MAP3K1: variants seen among roughly 807,000 people sequenced by gnomAD.
MAP3K1 encodes the protein MAP/ERK kinase kinase 1.
In MAP3K1, 36 loss-of-function variants were observed where a neutral mutation model predicts 144.2. The ratio of observed to expected loss-of-function variants is 0.25; its 90% CI spans 0.19 to 0.33. The LOEUF (loss-of-function observed/expected upper bound fraction) is 0.33. MAP3K1 is among the 10% of genes least tolerant of loss of function. The pLI, the probability that MAP3K1 is intolerant of heterozygous loss-of-function variation, is 1.00. For missense variants in MAP3K1, 1,650 were observed against 1,881.9 expected (o/e 0.88, Z 2.28); for synonymous variants, 718 against 688.7 (o/e 1.04, Z -0.67).
At chr5:56,818,616 T>C (rs1457334475) in intron 1 of MAP3K1, among the ~76,000 whole-genome samples, 2 of 152,144 alleles carry the variant, frequency 1.3e-5, no homozygotes. Context: ...CGCCCAAGGG[T>C]TTGGAATTTT....
At chr5:56,824,261 T>C (rs1358023160) in intron 1 of MAP3K1, among the ~76,000 whole-genome samples, 1 of 152,178 alleles carries the variant, frequency 6.6e-6, no homozygotes, top group Non-Finnish European at 1.5e-5. Flanking sequence ...TAAGAAAAAA[T>C]ACTCTAAGCA....
At chr5:56,848,590 T>C (rs1747070060) in intron 1 of MAP3K1, among the ~76,000 whole-genome samples, 1 of 152,350 alleles carries the variant, frequency 6.6e-6, no homozygotes, top group East Asian at 1.9e-4. Flanking sequence ...TACAGTATGA[T>C]TATCTATTAA....
chr5:56,849,316 T>C lies in MAP3K1; in HGVS notation c.483-7284T>C, dbSNP rs1231719518. On this transcript the variant is annotated intron_variant, in intron 1 of 19. Transcript: ENST00000399503. ...GTGAGCCAAGATTGCGCCACTGCACTCCAGCCTGGGCGTCAGAGCCAAACC... is the reference window on the plus strand; with the variant it reads ...GTGAGCCAAGATTGCGCCACTGCACCCCAGCCTGGGCGTCAGAGCCAAACC... 2.7e-5 allele frequency among the ~76,000 whole-genome samples: 4 copies of C among 149,338 alleles called. No individual in the cohort carries two copies. In the East Asian group the frequency reaches 7.9e-4, roughly 29 times the overall value.
chr5:56,844,185 T>TG (rs1746908933), intron 1 of MAP3K1, among the ~76,000 whole-genome samples: 1 of 121,278 alleles, frequency 8.2e-6, no homozygotes, highest in Non-Finnish European at 1.8e-5. Flanking sequence ...TTTTTTTGGT[T>TG]TTTTTTTTTT....
At chr5:56,823,185 G>A (rs1054966480) in intron 1 of MAP3K1, among the ~76,000 whole-genome samples, 7 of 152,114 alleles carry the variant, frequency 4.6e-5, no homozygotes, top group African/African-American at 9.7e-5. Context: ...ATGCCTGACC[G>A]AGTCCCTGCC....
intron 1 of MAP3K1, among the ~76,000 whole-genome samples, chr5:56,835,572 G>A (rs1189160451): frequency 2.6e-5 from 4 of 151,982 alleles, no homozygotes; most frequent in South Asian, 2.1e-4. Context: ...GGAGTGGGAC[G>A]TACTTTACTG....
chr5:56,821,468 A>G (rs1304079349), intron 1 of MAP3K1, among the ~76,000 whole-genome samples: 3 of 152,226 alleles, frequency 2.0e-5, no homozygotes. Context: ...CATCACTTGT[A>G]AGCATAATGA....
intron 1 of MAP3K1, among the ~76,000 whole-genome samples, chr5:56,817,594 A>C (rs902877266): frequency 3.9e-5 from 6 of 152,226 alleles, no homozygotes; most frequent in Admixed American, 1.3e-4. Context: ...CATGTAATTT[A>C]TTCTTACAAG....
Position 56,863,203 on chromosome 5 carries a change from TC to T in MAP3K1, c.835-1530del, listed in dbSNP as rs1196209585. ...AAAGCTGGCTGTTCAAGGTGCTAGA[TC>T]AGAGATCTCTGAACTTGCGGTTTTG... is the stretch of plus-strand genomic sequence containing the variant. On this transcript the variant is annotated intron_variant, in intron 3 of 19. Coordinates refer to ENST00000399503, the MANE Select transcript of MAP3K1 (RefSeq NM_005921.2). Among the ~76,000 whole-genome samples the T allele has an allele frequency of 2.6e-5, 4 of 152,216 alleles. No homozygotes were observed. The East Asian group carries it at 7.7e-4, about 29-fold the overall frequency.
chr5:56,865,059 A>G, intron 4 of MAP3K1, 125 bp downstream of exon 4: 1 of 948,838 alleles, frequency 1.1e-6, no homozygotes. Context: ...TTAAACTTAA[A>G]ATGTATTTTA....
chr5:56,882,720 A>G lies in MAP3K1; in HGVS notation c.3520A>G (p.Asn1174Asp). The change falls in exon 14 of 20, where the codon AAT (asparagine) becomes GAT (aspartate). Residue 1174 changes from asparagine (N) to aspartate (D), a missense_variant. By Grantham distance (23) the Asn-to-Asp change is conservative. This residue lies in a region of MAP3K1 where 841 missense variants were observed against 886.5 expected (regional missense o/e 0.95). Transcript: ENST00000399503. ...TACCTACAAAGATGATGTGAATCATAATCAAAAGTGCAAAGAGAAGATGGA... is the reference window on the plus strand; with the variant it reads ...TACCTACAAAGATGATGTGAATCATGATCAAAAGTGCAAAGAGAAGATGGA... ...DDTYKDDVNH[N>D]QKCKEKMEAE... The G allele has an allele frequency of 6.2e-7, 1 of 1,613,842 alleles. No individual in the cohort carries two copies. Among genetic ancestry groups the G allele is most frequent in the Non-Finnish European group, 8.5e-7 (1 of 1,179,880 alleles).
intron 2 of MAP3K1, among the ~76,000 whole-genome samples, chr5:56,857,679 C>T (rs1271975148): frequency 6.6e-6 from 1 of 152,188 alleles, no homozygotes; most frequent in African/African-American, 2.4e-5. Flanking sequence ...TTCAAATGCT[C>T]AGTAACCACA....
In MAP3K1 at chr5:56,815,672, G is replaced by T; in HGVS notation, c.99G>T (p.Ala33=). ...EAGGGGGALK[A]SSAPAAAAGL... Reference sequence around the variant, plus strand: ...GCGGCGGCGGAGGAGCCCTCAAGGCGAGCAGCGCGCCCGCGGCTGCCGCGG... The same window carrying T: ...GCGGCGGCGGAGGAGCCCTCAAGGCTAGCAGCGCGCCCGCGGCTGCCGCGG... Residue 33 remains alanine (A), a synonymous_variant, in exon 1 of 20, where the codon GCG becomes GCT. Transcript: ENST00000399503. The T allele has an allele frequency of 1.5e-6, 2 of 1,309,948 alleles. No individual in the cohort carries two copies. Among genetic ancestry groups the T allele is most frequent in the Non-Finnish European group, 1.9e-6 (2 of 1,032,818 alleles). 81.1% of individuals were successfully genotyped at this position (1,309,948 alleles called of 1,614,324 possible). A position where few individuals can be genotyped will look rare whatever the true frequency, so the allele number is the denominator to read the frequency against.
intron 1 of MAP3K1, among the ~76,000 whole-genome samples, chr5:56,856,063 G>A (rs1180354923): frequency 1.3e-5 from 2 of 152,080 alleles, no homozygotes; most frequent in African/African-American, 2.4e-5. Context: ...TCTTTATAGA[G>A]TACCCCAAGT....
At chr5:56,858,629 G>A (rs1387620823) in intron 2 of MAP3K1, among the ~76,000 whole-genome samples, 1 of 152,082 alleles carries the variant, frequency 6.6e-6, no homozygotes, top group Non-Finnish European at 1.5e-5. Flanking sequence ...ATCTCCAAAT[G>A]GGAAAATTAG....
At position 56,895,585 on chromosome 5, in the gene MAP3K1, C is replaced by T. The variant is rs1288046818; in HGVS notation, c.*1905C>T. The T allele has an allele frequency of 4.3e-6, 1 of 232,270 alleles. No homozygotes were observed. The highest frequency in any genetic ancestry group is 2.2e-5 in the African/African-American group (1 of 45,310). The allele number at this position is 232,270 out of a possible 1,614,324, so 14.4% of individuals were successfully genotyped here. On this transcript the variant is annotated 3_prime_UTR_variant, in exon 20 of 20. Coordinates refer to ENST00000399503, the MANE Select transcript of MAP3K1 (RefSeq NM_005921.2). ...GTAGATCACCATGCCCACCACATTTCAAACTCAAACTATCTGTAGATTTCA... is the reference window on the plus strand; with the variant it reads ...GTAGATCACCATGCCCACCACATTTTAAACTCAAACTATCTGTAGATTTCA...
chr5:56,826,633 G>A (rs768537058), intron 1 of MAP3K1, among the ~76,000 whole-genome samples: 4 of 152,242 alleles, frequency 2.6e-5, no homozygotes, highest in Non-Finnish European at 5.9e-5. Context: ...TATGTCAGCT[G>A]CTGGACCTCC....
intron 1 of MAP3K1, among the ~76,000 whole-genome samples, chr5:56,831,147 CTT>C (rs920471115): frequency 8.2e-5 from 12 of 146,690 alleles, no homozygotes; most frequent in African/African-American, 3.0e-4. Flanking sequence ...TCTTCTATAA[CTT>C]TTTTTTAACC....
chr5:56,844,182 G>GTTTTTTTTTTT (rs1561174026), intron 1 of MAP3K1, among the ~76,000 whole-genome samples: 8 of 108,386 alleles, frequency 7.4e-5, no homozygotes, highest in African/African-American at 9.8e-5. Flanking sequence ...TGTTTTTTTT[G>GTTTTTTTTTTT]GTTTTTTTTT....
Sources: gnomAD v4.1 joint callset for allele counts (sites outside exome capture counted in the v4.1 genomes callset) on GRCh38, gnomAD v4.1.1 for gene constraint, gnomAD v4.1.1 regional missense constraint, MANE v1.5 for transcripts, NCBI Gene and HGNC (gene_info 2026-07-23, HGNC 2026-07-21) for gene names.